The following CASP10 variants were observed in gnomAD, a reference collection of about 807,000 sequenced individuals.
CASP10 encodes caspase-10.
Under a neutral mutation model 48.5 loss-of-function variants are expected in CASP10, and 41 were observed. The observed-to-expected ratio is 0.85, with a 90% CI of 0.66 to 1.10. The LOEUF (loss-of-function observed/expected upper bound fraction) is 1.10, where lower values mean the gene tolerates loss of function less well. Among genes scored for constraint, CASP10 ranks in the 50% least tolerant of loss-of-function variants. The pLI, the probability that CASP10 is intolerant of heterozygous loss-of-function variation, is 0.00. For synonymous variants in CASP10, 232 were observed against 238.4 expected (o/e 0.97, Z 0.25); for missense variants, 614 against 614.5 (o/e 1.00, Z 0.01).
Position 201,187,700 on chromosome 2 carries a change from T to C in CASP10, c.348-6T>C. 6.2e-7 allele frequency: 1 copy of C among 1,610,516 alleles called. No individual in the cohort carries two copies. Among genetic ancestry groups the C allele is most frequent in the Non-Finnish European group, 8.5e-7 (1 of 1,176,748 alleles). On this transcript the variant is annotated splice_polypyrimidine_tract_variant and splice_region_variant and intron_variant, in intron 2 of 9. Coordinates refer to ENST00000286186, the MANE Select transcript of CASP10 (RefSeq NM_032977.4). ...CTTTATTTGTCATTTTGGGTGTGTG[T>C]CTTAGAAACCTGCTCTACGAACTGT...
downstream of CASP10, among the ~76,000 whole-genome samples, chr2:201,224,915 A>G (rs1196086721): frequency 1.3e-5 from 2 of 152,176 alleles, no homozygotes; most frequent in African/African-American, 2.4e-5. Context: ...CTATTTTGCT[A>G]TGTATTTTCC....
At chr2:201,227,404 T>C (rs968046688) in intron 9 of CASP10, among the ~76,000 whole-genome samples, 1 of 152,020 alleles carries the variant, frequency 6.6e-6, no homozygotes, top group Non-Finnish European at 1.5e-5. Context: ...GGATAAGGGG[T>C]ATTGACTCAC....
chr2:201,197,481 G>A (rs947975256), intron 5 of CASP10, among the ~76,000 whole-genome samples: 2 of 152,142 alleles, frequency 1.3e-5, no homozygotes, highest in African/African-American at 2.4e-5. Flanking sequence ...TGGGCGTGGT[G>A]GTGCATGCCT....
chr2:201,187,546 T>A, intron 2 of CASP10, 160 bp from the exon 3 acceptor site: 1 of 694,608 alleles, frequency 1.4e-6, no homozygotes, highest in Non-Finnish European at 2.6e-6. Context: ...ACTTAGAAAC[T>A]GAAAGTTTTC....
At chr2:201,197,508 G>A (rs1362878246) in intron 5 of CASP10, among the ~76,000 whole-genome samples, 7 of 152,148 alleles carry the variant, frequency 4.6e-5, no homozygotes, top group African/African-American at 1.4e-4. Flanking sequence ...CCAGCTACTC[G>A]GGAGGCTGAG....
At chr2:201,207,486 C>T (rs940409976) in intron 7 of CASP10, among the ~76,000 whole-genome samples, 8 of 150,526 alleles carry the variant, frequency 5.3e-5, no homozygotes, top group Non-Finnish European at 1.0e-4. Flanking sequence ...CGGCTGGGCG[C>T]GGTGGCTCAT....
rs2126063434 is a variant in CASP10, at chr2:201,218,827, T to G, written c.*1086T>G. 1 of 985,448 alleles carries G rather than the reference T, an allele frequency of 1.0e-6. No homozygotes were observed. Among genetic ancestry groups the G allele is most frequent in the African/African-American group, 1.7e-5 (1 of 57,356 alleles). The allele number at this position is 985,448 out of a possible 1,614,324, so 61.0% of individuals were successfully genotyped here. A position where few individuals can be genotyped will look rare whatever the true frequency, so the allele number is the denominator to read the frequency against. On this transcript the variant is annotated 3_prime_UTR_variant, in exon 10 of 10. Coordinates refer to ENST00000286186, the MANE Select transcript of CASP10 (RefSeq NM_032977.4). ...CACATCTAGTGAGGTGAAAATTTGGTCTATGCCAGGCCCATTTCCTGCTTT... is the reference window on the plus strand; with the variant it reads ...CACATCTAGTGAGGTGAAAATTTGGGCTATGCCAGGCCCATTTCCTGCTTT...
At chr2:201,223,104 C>T (rs541609204), downstream of CASP10, among the ~76,000 whole-genome samples, 3 of 152,052 alleles carry the variant, frequency 2.0e-5, no homozygotes, top group South Asian at 2.1e-4. Flanking sequence ...CTCTTTGGGG[C>T]GACTGCTTCA....
At chr2:201,187,879 G>T (rs1944470420) in intron 3 of CASP10, 80 bp downstream of exon 3, 2 of 1,075,962 alleles carry the variant, frequency 1.9e-6, no homozygotes, top group Non-Finnish European at 2.9e-6. Flanking sequence ...GGGTTTTTAG[G>T]GAGATTTATT....
At position 201,209,447 on chromosome 2, in the gene CASP10, G is replaced by T; in HGVS notation, c.1300G>T (p.Ala434Ser). The T allele has an allele frequency of 6.2e-7, 1 of 1,614,034 alleles. No individual in the cohort carries two copies. Among genetic ancestry groups the T allele is most frequent in the Non-Finnish European group, 8.5e-7 (1 of 1,179,922 alleles). ...TSLQDSIPAE[A>S]DFLLGLATVP... ...CCTGCAGGACAGTATTCCTGCCGAGGCTGACTTCCTACTTGGTCTGGCCAC... is the reference window on the plus strand; with the variant it reads ...CCTGCAGGACAGTATTCCTGCCGAGTCTGACTTCCTACTTGGTCTGGCCAC... The change falls in exon 9 of 10, where the codon GCT (alanine) becomes TCT (serine). Residue 434 changes from alanine to serine, a missense_variant. Coordinates refer to ENST00000286186, the MANE Select transcript of CASP10 (RefSeq NM_032977.4).
chr2:201,224,385 A>G (rs750124217), downstream of CASP10, among the ~76,000 whole-genome samples: 30 of 152,358 alleles, frequency 2.0e-4, no homozygotes, highest in African/African-American at 6.0e-4. Flanking sequence ...ACAACTGTTT[A>G]TTTCCTAACA....
intron 9 of CASP10, chr2:201,214,560 G>T (rs570500973): frequency 6.6e-6 from 1 of 152,274 alleles, no homozygotes; most frequent in East Asian, 1.9e-4. Flanking sequence ...AATGAAGCTG[G>T]TGATTAGGCT....
At position 201,217,691 on chromosome 2, in the gene CASP10, C is replaced by T. The variant is rs763149790; in HGVS notation, c.1519C>T (p.Leu507=). 1.4e-5 allele frequency: 23 copies of T among 1,614,152 alleles called. No homozygotes were observed. The East Asian group carries it at 4.9e-4, about 34-fold the overall frequency. The change falls in exon 10 of 10, where the codon CTA becomes TTA. Residue 507 remains leucine, a synonymous_variant. Coordinates refer to ENST00000286186, the MANE Select transcript of CASP10 (RefSeq NM_032977.4). ...ACAGATGCCCCAGCCTGCTTTCACA[C>T]TAAGGAAAAAACTAGTATTCCCTGT... The part of the protein sequence containing the change: ...KKQMPQPAFT[L]RKKLVFPVPL...
Position 201,200,778 on chromosome 2 carries a change from G to A in CASP10, c.685-2952G>A, listed in dbSNP as rs567119293. ...ATTTGAATTCCCCATCTCCCCCAAT[G>A]GGAAATAACACAGAATTGCAATTAT... is the stretch of plus-strand genomic sequence containing the variant. On this transcript the variant is annotated intron_variant, in intron 5 of 9. Coordinates refer to ENST00000286186, the MANE Select transcript of CASP10 (RefSeq NM_032977.4). 2.3e-5 allele frequency: 26 copies of A among 1,154,042 alleles called. No homozygotes were observed. The African/African-American group carries it at 4.1e-4, about 18-fold the overall frequency. 71.5% of individuals were successfully genotyped at this position (1,154,042 alleles called of 1,614,324 possible).
rs767032017 is a variant in CASP10 at position 201,209,063 on chromosome 2, T to A, written c.923-7T>A. 1.2e-6 allele frequency: 2 copies of A among 1,605,450 alleles called. No homozygotes were observed. Among genetic ancestry groups the A allele is most frequent in the South Asian group, 2.2e-5 (2 of 90,288 alleles). ...TCTCTTTTTTTTTTTTTTTTGTTTTTAAACAGAGATCCTGAGTCATGTGTT... is the reference window on the plus strand; with the variant it reads ...TCTCTTTTTTTTTTTTTTTTGTTTTAAAACAGAGATCCTGAGTCATGTGTT... On this transcript the variant is annotated splice_region_variant and splice_polypyrimidine_tract_variant and intron_variant, in intron 8 of 9. Coordinates refer to ENST00000286186, the MANE Select transcript of CASP10 (RefSeq NM_032977.4).
intron 9 of CASP10, among the ~76,000 whole-genome samples, chr2:201,211,208 C>T (rs1389683467): frequency 6.6e-6 from 1 of 152,194 alleles, no homozygotes; most frequent in Admixed American, 6.5e-5. Context: ...AACTCCTAGG[C>T]TCAAGCAATC....
chr2:201,213,313 G>A (rs935846287), intron 9 of CASP10: 1 of 152,084 alleles, frequency 6.6e-6, no homozygotes, highest in African/African-American at 2.4e-5. Flanking sequence ...ATAATTTTAG[G>A]ATTTAGAGAT....
Position 201,221,273 on chromosome 2 carries a change from A to G in CASP10, c.*3532A>G. ...AAGGCCAGCTCTTGACTCTGAGTTCAGTTGGACAAAATGCTGTTGATAAAA... is the reference window on the plus strand; with the variant it reads ...AAGGCCAGCTCTTGACTCTGAGTTCGGTTGGACAAAATGCTGTTGATAAAA... On this transcript the variant is annotated 3_prime_UTR_variant, in exon 10 of 10. Coordinates refer to ENST00000286186, the MANE Select transcript of CASP10 (RefSeq NM_032977.4). 1.0e-6 allele frequency: 1 copy of G among 986,230 alleles called. No homozygotes were observed. Among genetic ancestry groups the G allele is most frequent in the Non-Finnish European group, 1.2e-6 (1 of 830,508 alleles). The allele number at this position is 986,230 out of a possible 1,614,324, so 61.1% of individuals were successfully genotyped here.
chr2:201,208,526 A>G (rs1424313181), intron 8 of CASP10: 1 of 189,894 alleles, frequency 5.3e-6, no homozygotes, highest in Non-Finnish European at 9.7e-6. Context: ...AACAGGATGA[A>G]ACACTGGCCA....
Sources: gnomAD v4.1 joint callset for allele counts (sites outside exome capture counted in the v4.1 genomes callset) on GRCh38, gnomAD v4.1.1 for gene constraint, MANE v1.5 for transcripts, NCBI Gene and HGNC (gene_info 2026-07-23, HGNC 2026-07-21) for gene names.